ZNF451: variants seen among roughly 807,000 people sequenced by gnomAD.
The protein encoded by ZNF451 is E3 SUMO-protein ligase ZNF451.
A neutral mutation model predicts 107.1 loss-of-function variants in ZNF451; 80 were observed. That is an observed-to-expected ratio of 0.75 (90% confidence interval 0.62 to 0.90). ZNF451 has a LOEUF of 0.90. Ranked by LOEUF, ZNF451 falls within the 40% of genes least tolerant of loss-of-function variation. The pLI is 0.00. For missense variants in ZNF451, 1,107 were observed against 1,236.2 expected, an observed-to-expected ratio of 0.90 and a Z score of 1.57; for synonymous variants, 362 against 406.5, an observed-to-expected ratio of 0.89 and a Z score of 1.32.
intron 3 of ZNF451, chr6:57,106,373 G>A (rs977834361): frequency 1.9e-5 from 17 of 890,104 alleles, no homozygotes; most frequent in Non-Finnish European, 2.1e-5. Flanking sequence ...GCAATGGCAC[G>A]ATCTTGGCTG....
At chr6:57,120,321 T>C (rs973555607) in intron 3 of ZNF451, among the ~76,000 whole-genome samples, 1 of 152,240 alleles carries the variant, frequency 6.6e-6, no homozygotes, top group Non-Finnish European at 1.5e-5. Context: ...CATTCACCGA[T>C]TGAAGGACAT....
At chr6:57,109,196 G>C in intron 3 of ZNF451, 4 of 985,244 alleles carry the variant, frequency 4.1e-6, no homozygotes, top group Non-Finnish European at 4.8e-6. Flanking sequence ...CGTAGTCATT[G>C]GTTTCTGTTT....
chr6:57,121,642 A>G (rs554696264), intron 3 of ZNF451, among the ~76,000 whole-genome samples: 6 of 152,310 alleles, frequency 3.9e-5, no homozygotes, highest in African/African-American at 1.4e-4. Context: ...TAGCCACACA[A>G]AAAAATTGAA....
At chr6:57,149,552 A>G (rs1362220559) in intron 10 of ZNF451, among the ~76,000 whole-genome samples, 2 of 152,082 alleles carry the variant, frequency 1.3e-5, no homozygotes, top group Admixed American at 6.6e-5. Flanking sequence ...ACTTAAGTCT[A>G]TATTCTTTTA....
chr6:57,093,131 T>G (rs911459336), intron 2 of ZNF451: 22 of 152,344 alleles, frequency 1.4e-4, no homozygotes, highest in African/African-American at 5.3e-4. Context: ...AAATTGCAGA[T>G]TTTTTATGTG....
intron 3 of ZNF451, chr6:57,108,289 A>C (rs1482628576): frequency 1.0e-6 from 1 of 985,328 alleles, no homozygotes; most frequent in African/African-American, 1.7e-5. Flanking sequence ...TACCCGTAAG[A>C]GTGGCTCTAT....
intron 3 of ZNF451, chr6:57,115,348 TTGA>T (rs1830317443): frequency 6.6e-6 from 1 of 152,172 alleles, no homozygotes; most frequent in Non-Finnish European, 1.5e-5. Context: ...TATCATTTCG[TTGA>T]TTATGGGATT....
rs754397575 is a variant in ZNF451, at chr6:57,148,336, CTG to C, written c.2254_2255del (p.Trp752ValfsTer29). On this transcript the variant is annotated frameshift_variant, in exon 10 of 15. Transcript: ENST00000370706. LOFTEE classifies it high-confidence loss of function. The stretch of plus-strand genomic sequence containing the variant: ...CCAAATCATGCTGGATAAAGGAAAA[CTG>C]TGGTTTCGCTGCAGTTTATGTTCGG... ...CLQIMLDKGK[L>X]WFRCSLCSAT... is the part of the protein sequence containing the mutation. 16 of 1,613,900 alleles carry C rather than the reference CTG, an allele frequency of 9.9e-6. No individual in the cohort carries two copies. Among genetic ancestry groups the C allele is most frequent in the Admixed American group, 6.7e-5 (4 of 59,986 alleles).
chr6:57,105,778 A>G (rs915922783), intron 3 of ZNF451: 2 of 985,300 alleles, frequency 2.0e-6, no homozygotes, highest in Non-Finnish European at 2.4e-6. Flanking sequence ...GGATGTGTTT[A>G]CTTGGTTAGA....
chr6:57,105,417 T>G, intron 3 of ZNF451: 1 of 985,390 alleles, frequency 1.0e-6, no homozygotes, highest in Non-Finnish European at 1.2e-6. Flanking sequence ...TCTTTAAAAC[T>G]TAAACTTTGA....
chr6:57,096,615 AGG>A (rs1025683057), intron 2 of ZNF451, among the ~76,000 whole-genome samples: 2 of 56,718 alleles, frequency 3.5e-5, no homozygotes, highest in African/African-American at 1.4e-4. Flanking sequence ...GCGGGGGGGT[AGG>A]GGGGCGCTTT....
chr6:57,131,597 A>AT (rs1831180868), intron 5 of ZNF451, among the ~76,000 whole-genome samples: 1 of 152,216 alleles, frequency 6.6e-6, no homozygotes. Context: ...ATTTATAAAC[A>AT]TTTTGACAGT....
At chr6:57,099,575 G>T (rs918517452) in intron 3 of ZNF451, 4 of 712,858 alleles carry the variant, frequency 5.6e-6, no homozygotes, top group African/African-American at 1.8e-5. Flanking sequence ...AATGGAAAGT[G>T]GGGGAAGGGT....
intron 2 of ZNF451, chr6:57,092,667 TC>T (rs1829104280): frequency 6.6e-6 from 1 of 152,216 alleles, no homozygotes; most frequent in Admixed American, 6.5e-5. Context: ...TAATGCTTAT[TC>T]AGTAAAGATG....
chr6:57,124,437 G>A (rs767537947), intron 3 of ZNF451: 7 of 716,068 alleles, frequency 9.8e-6, no homozygotes, highest in Middle Eastern at 2.3e-4. Flanking sequence ...AGGGGTCGGC[G>A]CTTTGCCTGA....
intron 5 of ZNF451, among the ~76,000 whole-genome samples, chr6:57,131,688 T>C (rs932542354): frequency 6.6e-6 from 1 of 152,194 alleles, no homozygotes; most frequent in Admixed American, 6.5e-5. Context: ...CATTTTGGGA[T>C]TTAAAAATCA....
intron 4 of ZNF451, among the ~76,000 whole-genome samples, chr6:57,128,409 A>G (rs1231420181): frequency 6.6e-6 from 1 of 152,108 alleles, no homozygotes; most frequent in Non-Finnish European, 1.5e-5. Context: ...CCTACTTGAT[A>G]TCCAAAGTAT....
chr6:57,141,173 C>A, intron 7 of ZNF451, 129 bp from the exon 8 acceptor site: 3 of 742,516 alleles, frequency 4.0e-6, no homozygotes, highest in Non-Finnish European at 5.8e-6. Flanking sequence ...CAGGGAAGAA[C>A]ATCTTTCATG....
At chr6:57,145,492 A>G (rs1359706841) in intron 9 of ZNF451, among the ~76,000 whole-genome samples, 1 of 152,134 alleles carries the variant, frequency 6.6e-6, no homozygotes, top group African/African-American at 2.4e-5. Flanking sequence ...TCTGTTTATT[A>G]TTCCACTCTA....
Sources: gnomAD v4.1 joint callset for allele counts (sites outside exome capture counted in the v4.1 genomes callset) on GRCh38, gnomAD v4.1.1 for gene constraint, MANE v1.5 for transcripts, NCBI Gene and HGNC (gene_info 2026-07-23, HGNC 2026-07-21) for gene names.